The following RPTOR variants were observed in gnomAD, a reference collection of about 807,000 sequenced individuals.
RPTOR encodes the protein regulatory-associated protein of mTOR.
Under a neutral mutation model 169.9 loss-of-function variants are expected in RPTOR, and 21 were observed. That is an observed-to-expected ratio of 0.12 (90% CI 0.09 to 0.18). The LOEUF is 0.18. Among genes scored for constraint, RPTOR ranks in the 10% least tolerant of loss-of-function variants. The pLI is 1.00. For synonymous variants in RPTOR, 732 were observed against 753.2 expected (o/e 0.97, Z 0.46); for missense variants, 1,133 against 1,855.9 (o/e 0.61, Z 7.16).
At chr17:80,891,941 T>A in intron 18 of RPTOR, 104 bp downstream of exon 18, 1 of 678,964 alleles carries the variant, frequency 1.5e-6, no homozygotes, top group Non-Finnish European at 2.5e-6. Flanking sequence ...AGCGCAGGTT[T>A]CTCAGATACC....
chr17:80,733,270 T>C lies in RPTOR; in HGVS notation c.654+2564T>C, dbSNP rs138831494. Among the ~76,000 whole-genome samples the C allele has an allele frequency of 2.6e-5, 4 of 152,352 alleles. No individual in the cohort carries two copies. The East Asian group carries it at 7.7e-4, about 29-fold the overall frequency. ...CATATCTGTCACTCAGTAATCCTTC[T>C]TATATTTTTATTGTGTCATATTTCT... is the stretch of plus-strand genomic sequence containing the variant. On this transcript the variant is annotated intron_variant, in intron 5 of 33. Transcript: ENST00000306801.
intron 1 of RPTOR, among the ~76,000 whole-genome samples, chr17:80,606,119 C>T (rs2065226959): frequency 6.6e-6 from 1 of 152,126 alleles, no homozygotes; most frequent in Admixed American, 6.5e-5. Context: ...TCACGCCGTT[C>T]TCCTGCCTCA....
chr17:80,660,250 G>A (rs540793253), intron 3 of RPTOR, among the ~76,000 whole-genome samples: 13 of 148,940 alleles, frequency 8.7e-5, no homozygotes, highest in Admixed American at 6.0e-4. Flanking sequence ...CAGCCTGGGC[G>A]GCAGAGCGAG....
chr17:80,940,690 A>C, intron 25 of RPTOR, 89 bp downstream of exon 25: 1 of 1,046,290 alleles, frequency 9.6e-7, no homozygotes, highest in Non-Finnish European at 1.4e-6. Context: ...CCCGCGGCCC[A>C]CGCACAACCT....
At chr17:80,942,436 C>T (rs1231857284) in intron 25 of RPTOR, among the ~76,000 whole-genome samples, 1 of 150,862 alleles carries the variant, frequency 6.6e-6, no homozygotes, top group Non-Finnish European at 1.5e-5. Flanking sequence ...TATTTGTAAA[C>T]CAGAGTTTGT....
chr17:80,610,914 A>C (rs893547839), intron 1 of RPTOR, among the ~76,000 whole-genome samples: 2 of 152,172 alleles, frequency 1.3e-5, no homozygotes, highest in Non-Finnish European at 2.9e-5. Flanking sequence ...TTTCCAACTG[A>C]ATTTTCGAGT....
At chr17:80,781,579 C>T (rs1225913374) in intron 6 of RPTOR, among the ~76,000 whole-genome samples, 1 of 152,218 alleles carries the variant, frequency 6.6e-6, no homozygotes, top group Non-Finnish European at 1.5e-5. Context: ...CACGCTGTCT[C>T]GCGTGGGGCC....
intron 21 of RPTOR, among the ~76,000 whole-genome samples, chr17:80,910,583 T>C (rs1482689783): frequency 6.6e-6 from 1 of 152,180 alleles, no homozygotes; most frequent in Non-Finnish European, 1.5e-5. Flanking sequence ...TGCCAGGGTC[T>C]GCAGGGTCGA....
chr17:80,775,633 A>G (rs2143433378), intron 6 of RPTOR, among the ~76,000 whole-genome samples: 1 of 152,348 alleles, frequency 6.6e-6, no homozygotes, highest in African/African-American at 2.4e-5. Context: ...CACAGGATGA[A>G]AAACAGACAG....
chr17:80,926,209 A>G (rs2068809962), intron 24 of RPTOR, among the ~76,000 whole-genome samples: 1 of 152,242 alleles, frequency 6.6e-6, no homozygotes. Flanking sequence ...GGACCCCATG[A>G]CAGCTCAGTC....
At chr17:80,921,726 G>A (rs1230752251) in intron 21 of RPTOR, among the ~76,000 whole-genome samples, 2 of 152,154 alleles carry the variant, frequency 1.3e-5, no homozygotes, top group Non-Finnish European at 2.9e-5. Context: ...ATCCACAGAC[G>A]GCTGGGTTGA....
In RPTOR at chr17:80,574,827, A is replaced by ATTTTT. The variant is rs555426915; in HGVS notation, c.162+29049_162+29053dup. ...TGTGCCACCAAGCCCAGCTTATTTA[A>ATTTTT]TTTTTTTTTTTTTTTTTGTAGAGAC... On this transcript the variant is annotated intron_variant, in intron 1 of 33. Transcript: ENST00000306801. Among the ~76,000 whole-genome samples the ATTTTT allele has an allele frequency of 8.2e-4, 100 of 121,414 alleles. 5 individuals carry two copies. Among genetic ancestry groups the ATTTTT allele is most frequent in the African/African-American group, 1.5e-3 (49 of 32,080 alleles). 79.7% of individuals were successfully genotyped at this position (121,414 alleles called of 152,430 possible). A position where few individuals can be genotyped will look rare whatever the true frequency, so the allele number is the denominator to read the frequency against.
In RPTOR at chr17:80,875,086, AG is replaced by A. The variant is rs202082102; in HGVS notation, c.1510-5328del. Among the ~76,000 whole-genome samples the A allele has an allele frequency of 2.2e-4, 33 of 152,330 alleles. No homozygotes were observed. The East Asian group carries it at 6.4e-3, about 29-fold the overall frequency. On this transcript the variant is annotated intron_variant, in intron 13 of 33. Coordinates refer to ENST00000306801, the MANE Select transcript of RPTOR (RefSeq NM_020761.3). ...TCCCCGTCAGGCACGGTGGTCTGTT[AG>A]CCTGGGCGTAATTCTTGTGTTCCTG...
intron 7 of RPTOR, among the ~76,000 whole-genome samples, chr17:80,797,931 C>T (rs988632862): frequency 2.0e-5 from 3 of 152,180 alleles, no homozygotes; most frequent in Non-Finnish European, 4.4e-5. Context: ...AGCAGCCGTG[C>T]GGTACAGTTG....
intron 13 of RPTOR, among the ~76,000 whole-genome samples, chr17:80,865,061 G>A (rs561479281): frequency 9.8e-5 from 15 of 152,364 alleles, no homozygotes; most frequent in Middle Eastern, 3.4e-3. Flanking sequence ...GAGAGAGAAT[G>A]AAGAAATACT....
At chr17:80,952,253 G>A (rs867072518) in intron 28 of RPTOR, among the ~76,000 whole-genome samples, 15 of 152,238 alleles carry the variant, frequency 9.9e-5, no homozygotes, top group South Asian at 2.1e-4. Context: ...GTTTCCCTCC[G>A]CGGTATTACA....
At chr17:80,743,217 CTT>C (rs2066502412) in intron 5 of RPTOR, 2 of 984,792 alleles carry the variant, frequency 2.0e-6, no homozygotes, top group African/African-American at 3.5e-5. Context: ...GGCTCTCTCT[CTT>C]ATGACTCAGT....
At chr17:80,663,601 G>A (rs2065741091) in intron 3 of RPTOR, among the ~76,000 whole-genome samples, 1 of 152,186 alleles carries the variant, frequency 6.6e-6, no homozygotes, top group South Asian at 2.1e-4. Flanking sequence ...GGCAGCCTGT[G>A]CTTATGTTTG....
intron 6 of RPTOR, among the ~76,000 whole-genome samples, chr17:80,775,874 A>G (rs1320949125): frequency 1.3e-5 from 2 of 152,250 alleles, no homozygotes; most frequent in African/African-American, 4.8e-5. Flanking sequence ...GGAATTAAAT[A>G]TATTTTGTAT....
Sources: allele counts gnomAD v4.1 joint callset (sites outside exome capture counted in the v4.1 genomes callset), GRCh38; gene constraint gnomAD v4.1.1; transcripts MANE v1.5; gene names NCBI Gene and HGNC (gene_info 2026-07-23, HGNC 2026-07-21).